GUCA1C: variants seen among roughly 807,000 people sequenced by gnomAD.
The protein encoded by GUCA1C is guanylyl cyclase-activating protein 3.
In GUCA1C, 15 loss-of-function variants were observed where a neutral mutation model predicts 16.2. The ratio of observed to expected loss-of-function variants is 0.93; its 90% CI spans 0.62 to 1.43. The LOEUF is 1.43. Among genes scored for constraint, GUCA1C ranks in the 40% most tolerant of loss-of-function variants. The probability of loss-of-function intolerance (pLI) is 0.00; values close to 1 mark genes in which losing one functional copy is unlikely to be tolerated. For missense variants in GUCA1C, 275 were observed against 244.8 expected (o/e 1.12, Z -0.82); for synonymous variants, 78 against 85.4 (o/e 0.91, Z 0.48).
At chr3:108,926,121 G>A (rs1946621066) in intron 1 of GUCA1C, among the ~76,000 whole-genome samples, 2 of 151,670 alleles carry the variant, frequency 1.3e-5, no homozygotes, top group African/African-American at 4.8e-5. Context: ...AGTGTTAGGT[G>A]AATATATATT....
At chr3:108,909,994 CACTATAGCCGACGACAGTGCTAT>C (rs1269710234) in intron 3 of GUCA1C, among the ~76,000 whole-genome samples, 1 of 152,214 alleles carries the variant, frequency 6.6e-6, no homozygotes, top group East Asian at 1.9e-4. Flanking sequence ...CAGCTACCGC[CACTATAGCCGACGACAGTGCTAT>C]GAATATGGTA....
chr3:108,953,547 G>A lies in GUCA1C; in HGVS notation c.204+12C>T. ...AGCATTTTCAAATGAAATGAAAAAT[G>A]AAAGATCTTACCTTGTTCGTGTCAA... On this transcript the variant is annotated intron_variant, in intron 1 of 3. Coordinates refer to ENST00000261047, the MANE Select transcript of GUCA1C (RefSeq NM_005459.4). The A allele has an allele frequency of 6.7e-7, 1 of 1,493,508 alleles. No homozygotes were observed. The highest frequency in any genetic ancestry group is 2.3e-5 in the East Asian group (1 of 44,164). 92.5% of individuals were successfully genotyped at this position (1,493,508 alleles called of 1,614,324 possible). A position where few individuals can be genotyped will look rare whatever the true frequency, so the allele number is the denominator to read the frequency against.
chr3:108,911,965 G>A (rs1946459064), intron 3 of GUCA1C, among the ~76,000 whole-genome samples: 1 of 151,900 alleles, frequency 6.6e-6, no homozygotes, highest in Non-Finnish European at 1.5e-5. Flanking sequence ...AATTAGCCGG[G>A]CGTAGTGGTG....
At chr3:108,919,533 T>C (rs1946550483) in intron 2 of GUCA1C, among the ~76,000 whole-genome samples, 1 of 152,178 alleles carries the variant, frequency 6.6e-6, no homozygotes, top group South Asian at 2.1e-4. Flanking sequence ...ACATTAGCAA[T>C]ATCGGTATTA....
chr3:108,917,025 T>C (rs1364610670), intron 2 of GUCA1C, among the ~76,000 whole-genome samples: 1 of 152,238 alleles, frequency 6.6e-6, no homozygotes, highest in Non-Finnish European at 1.5e-5. Context: ...TTACCAAACT[T>C]GAGTTCCAGG....
intron 1 of GUCA1C, among the ~76,000 whole-genome samples, chr3:108,922,677 T>A (rs1284340799): frequency 6.6e-6 from 1 of 152,130 alleles, no homozygotes; most frequent in Admixed American, 6.6e-5. Context: ...AGCCCACTTT[T>A]TTATTATTAT....
chr3:108,927,432 C>CTTTTTTTTTTTTTTTTT (rs55930777), intron 1 of GUCA1C, among the ~76,000 whole-genome samples: 3 of 128,256 alleles, frequency 2.3e-5, no homozygotes, highest in African/African-American at 8.9e-5. Context: ...TTTTTTAATT[C>CTTTTTTTTTTTTTTTTT]TTTTTTTTTT....
intron 1 of GUCA1C, among the ~76,000 whole-genome samples, chr3:108,929,304 C>T (rs1946647069): frequency 1.3e-5 from 2 of 152,044 alleles, no homozygotes; most frequent in Non-Finnish European, 2.9e-5. Flanking sequence ...GCTAAAATCT[C>T]GTATTAGTTC....
At chr3:108,928,457 A>T (rs532886973) in intron 1 of GUCA1C, among the ~76,000 whole-genome samples, 1 of 152,302 alleles carries the variant, frequency 6.6e-6, no homozygotes, top group African/African-American at 2.4e-5. Context: ...GATAAACTCC[A>T]GCTTATTATT....
chr3:108,953,716 G>T lies in GUCA1C; in HGVS notation c.47C>A (p.Thr16Lys). Residue 16 changes from threonine (T) to lysine (K), a missense_variant, in exon 1 of 4, where the codon ACA (threonine) becomes AAA (lysine). By Grantham distance (78) the Thr-to-Lys change is moderately conservative (BLOSUM62 -1). Transcript: ENST00000261047. Reference sequence around the variant, plus strand: ...TCTGTACCACACATGGGTCTCTTGTGTAGGAACTGCTTTCTGATCACCAGC... The same window carrying T: ...TCTGTACCACACATGGGTCTCTTGTTTAGGAACTGCTTTCTGATCACCAGC... ...SIAGDQKAVP[T>K]QETHVWYRTF... The T allele has an allele frequency of 6.2e-7, 1 of 1,613,318 alleles. No individual in the cohort carries two copies. The highest frequency in any genetic ancestry group is 8.5e-7 in the Non-Finnish European group (1 of 1,179,278).
At chr3:108,915,064 A>G (rs1296668946) in intron 3 of GUCA1C, among the ~76,000 whole-genome samples, 1 of 152,230 alleles carries the variant, frequency 6.6e-6, no homozygotes, top group African/African-American at 2.4e-5. Flanking sequence ...CTTGAGCAGT[A>G]TACTCTTGTC....
At chr3:108,913,367 A>G (rs1946476205) in intron 3 of GUCA1C, among the ~76,000 whole-genome samples, 1 of 152,100 alleles carries the variant, frequency 6.6e-6, no homozygotes, top group African/African-American at 2.4e-5. Context: ...AGGTATACAG[A>G]GTTTAGCTTT....
intron 1 of GUCA1C, among the ~76,000 whole-genome samples, chr3:108,946,873 A>G (rs1946848871): frequency 6.8e-6 from 1 of 146,454 alleles, no homozygotes; most frequent in African/African-American, 2.5e-5. Context: ...TTTGGATCCT[A>G]GCTCAAATCA....
At chr3:108,923,337 G>A (rs1946588049) in intron 1 of GUCA1C, among the ~76,000 whole-genome samples, 2 of 151,790 alleles carry the variant, frequency 1.3e-5, no homozygotes, top group African/African-American at 4.8e-5. Flanking sequence ...CTTGATTTGA[G>A]ACAAGGATCT....
chr3:108,917,788 T>G (rs1946532162), intron 2 of GUCA1C, among the ~76,000 whole-genome samples: 1 of 152,028 alleles, frequency 6.6e-6, no homozygotes, highest in Non-Finnish European at 1.5e-5. Flanking sequence ...ACTCATACCT[T>G]TGGTCCCAGC....
intron 1 of GUCA1C, among the ~76,000 whole-genome samples, chr3:108,927,088 T>TG (rs36056513): frequency 0.028 from 4,264 of 152,320 alleles, 78 homozygotes; most frequent in Middle Eastern, 0.12. Flanking sequence ...GGGTTTCTGC[T>TG]AGAAATCTGC....
At position 108,949,166 on chromosome 3, in the gene GUCA1C, T is replaced by C. The variant is rs577017300; in HGVS notation, c.204+4393A>G. On this transcript the variant is annotated intron_variant, in intron 1 of 3. Transcript: ENST00000261047. ...GTGGCCAATTTTTCTGATTTTTTTG[T>C]TATAATCTCCTATTTTCTCTGGCCC... Among the ~76,000 whole-genome samples, 8 of 152,236 alleles carry C rather than the reference T, an allele frequency of 5.3e-5. No individual in the cohort carries two copies. In the South Asian group the frequency reaches 1.7e-3, roughly 32 times the overall value.
intron 1 of GUCA1C, among the ~76,000 whole-genome samples, chr3:108,951,639 T>C (rs1946897331): frequency 6.6e-6 from 1 of 152,210 alleles, no homozygotes; most frequent in African/African-American, 2.4e-5. Context: ...CTTACCCTTG[T>C]CATTTTACCA....
intron 3 of GUCA1C, among the ~76,000 whole-genome samples, chr3:108,910,180 A>T (rs1303646225): frequency 6.6e-6 from 1 of 152,144 alleles, no homozygotes; most frequent in Non-Finnish European, 1.5e-5. Flanking sequence ...TCACCTGTGG[A>T]GGTCCAGAAG....
Sources: allele counts gnomAD v4.1 joint callset (sites outside exome capture counted in the v4.1 genomes callset), GRCh38; gene constraint gnomAD v4.1.1; transcripts MANE v1.5; gene names NCBI Gene and HGNC (gene_info 2026-07-23, HGNC 2026-07-21).